AKAP6: variants seen among roughly 807,000 people sequenced by gnomAD.
The protein encoded by AKAP6 is A-kinase anchor protein 6.
Under a neutral mutation model 188.5 loss-of-function variants are expected in AKAP6, and 58 were observed. That is an observed-to-expected ratio of 0.31 (90% confidence interval 0.25 to 0.38). AKAP6 has a LOEUF of 0.38. Among genes scored for constraint, AKAP6 ranks in the 10% least tolerant of loss-of-function variants. The pLI, the probability that AKAP6 is intolerant of heterozygous loss-of-function variation, is 1.00. For missense variants in AKAP6, 2,710 were observed against 2,740.0 expected (o/e 0.99, Z 0.24); for synonymous variants, 989 against 998.6 (o/e 0.99, Z 0.18).
At chr14:32,337,563 T>A (rs959679428) in intron 1 of AKAP6, among the ~76,000 whole-genome samples, 15 of 152,186 alleles carry the variant, frequency 9.9e-5, no homozygotes, top group Middle Eastern at 3.2e-3. Flanking sequence ...CAGGATTTTT[T>A]TAAAAATTTT....
chr14:32,545,178 A>T, intron 3 of AKAP6, 52 bp from the exon 4 acceptor site: 1 of 1,511,026 alleles, frequency 6.6e-7, no homozygotes, highest in South Asian at 1.2e-5. Flanking sequence ...ATAGCAGCTG[A>T]TGTTGTAATT....
At chr14:32,648,783 G>A (rs572362900) in intron 7 of AKAP6, among the ~76,000 whole-genome samples, 42 of 152,192 alleles carry the variant, frequency 2.8e-4, no homozygotes, top group Non-Finnish European at 5.3e-4. Context: ...AGCATATGTG[G>A]CCTAATATTC....
intron 12 of AKAP6, among the ~76,000 whole-genome samples, chr14:32,820,059 A>G (rs1432730811): frequency 6.6e-6 from 1 of 152,152 alleles, no homozygotes; most frequent in Non-Finnish European, 1.5e-5. Flanking sequence ...AAAAATTGAC[A>G]GTGCTATCCC....
intron 7 of AKAP6, among the ~76,000 whole-genome samples, chr14:32,630,739 GGTTA>G (rs1322239199): frequency 3.3e-5 from 5 of 151,986 alleles, no homozygotes; most frequent in Admixed American, 6.6e-5. Flanking sequence ...GATACAAAGG[GGTTA>G]GTTCTTTTAA....
chr14:32,825,290 T>C (rs1297261422), intron 13 of AKAP6, among the ~76,000 whole-genome samples: 1 of 152,212 alleles, frequency 6.6e-6, no homozygotes, highest in Non-Finnish European at 1.5e-5. Flanking sequence ...TTTATGCTTC[T>C]GTCTAATGTA....
chr14:32,739,016 A>T (rs2139854769), intron 11 of AKAP6, among the ~76,000 whole-genome samples: 1 of 152,256 alleles, frequency 6.6e-6, no homozygotes, highest in African/African-American at 2.4e-5. Context: ...GCATGGGAAT[A>T]GATACAGTCT....
In AKAP6 at chr14:32,521,667, A is replaced by C. The variant is rs1318308560; in HGVS notation, c.325-13887A>C. ...ACCTCTTCAAGGAGAACTACAAACC[A>C]CTGCTCAATGAAATAAAAGAAGACA... On this transcript the variant is annotated intron_variant, in intron 2 of 13. Coordinates refer to ENST00000280979, the MANE Select transcript of AKAP6 (RefSeq NM_004274.5). Among the ~76,000 whole-genome samples, 3 of 152,200 alleles carry C rather than the reference A, an allele frequency of 2.0e-5. No homozygotes were observed. In the East Asian group the frequency reaches 5.8e-4, roughly 29 times the overall value.
intron 7 of AKAP6, among the ~76,000 whole-genome samples, chr14:32,655,669 G>A (rs532221476): frequency 5.3e-5 from 8 of 152,218 alleles, no homozygotes; most frequent in South Asian, 2.1e-4. Flanking sequence ...TAGAGAAAGC[G>A]TTTCATGCAG....
At chr14:32,701,411 A>G (rs1192100678) in intron 9 of AKAP6, among the ~76,000 whole-genome samples, 1 of 152,152 alleles carries the variant, frequency 6.6e-6, no homozygotes, top group African/African-American at 2.4e-5. Context: ...TTCTATAAGA[A>G]AAAGAGATAA....
intron 6 of AKAP6, among the ~76,000 whole-genome samples, chr14:32,600,028 A>G (rs1001473704): frequency 1.3e-5 from 2 of 152,228 alleles, no homozygotes; most frequent in Non-Finnish European, 2.9e-5. Context: ...TATATTTATA[A>G]GGAACAGATT....
At chr14:32,366,200 G>T (rs1378441017) in intron 1 of AKAP6, among the ~76,000 whole-genome samples, 1 of 152,136 alleles carries the variant, frequency 6.6e-6, no homozygotes. Context: ...CAGGCACCAT[G>T]CCATAATTCC....
At position 32,500,967 on chromosome 14, in the gene AKAP6, C is replaced by A. The variant is rs772443250; in HGVS notation, c.325-34587C>A. 1.1e-3 allele frequency among the ~76,000 whole-genome samples: 166 copies of A among 152,226 alleles called. 1 individual carries two copies. The highest frequency in any genetic ancestry group is 2.4e-3 in the Admixed American group (36 of 15,274). On this transcript the variant is annotated intron_variant, in intron 2 of 13. Coordinates refer to ENST00000280979, the MANE Select transcript of AKAP6 (RefSeq NM_004274.5). ...GGTCAAGCCCTGAAGTTTCCCATTGCAAGTGCATTCTAGCCTGTGGCACAC... is the reference window on the plus strand; with the variant it reads ...GGTCAAGCCCTGAAGTTTCCCATTGAAAGTGCATTCTAGCCTGTGGCACAC...
chr14:32,781,851 T>A (rs1200881403), intron 12 of AKAP6, among the ~76,000 whole-genome samples: 1 of 151,970 alleles, frequency 6.6e-6, no homozygotes, highest in Non-Finnish European at 1.5e-5. Context: ...TCCTTCCTGA[T>A]AAAAACTCTC....
rs370396802 is a variant in AKAP6, at chr14:32,608,579, A to G, written c.2730+7787A>G. ...TGCTGGTGGCCTTGAGAATAGAAAC[A>G]TTTGGCTCAGCAAGAATCTGGGAGT... On this transcript the variant is annotated intron_variant, in intron 7 of 13. Transcript: ENST00000280979. Among the ~76,000 whole-genome samples, 8 of 152,150 alleles carry G rather than the reference A, an allele frequency of 5.3e-5. No homozygotes were observed. The East Asian group carries it at 1.4e-3, about 26-fold the overall frequency.
intron 1 of AKAP6, among the ~76,000 whole-genome samples, chr14:32,404,004 T>C (rs1889186799): frequency 6.6e-6 from 1 of 152,312 alleles, no homozygotes; most frequent in East Asian, 1.9e-4. Context: ...GAAATCAAGT[T>C]CTCACGCTCT....
At chr14:32,640,282 A>T (rs769775896) in intron 7 of AKAP6, among the ~76,000 whole-genome samples, 2 of 152,034 alleles carry the variant, frequency 1.3e-5, no homozygotes, top group Non-Finnish European at 2.9e-5. Flanking sequence ...GCTTCTCAGA[A>T]CCACCTTTCC....
chr14:32,600,277 T>C (rs1885871063), intron 6 of AKAP6, among the ~76,000 whole-genome samples: 1 of 152,222 alleles, frequency 6.6e-6, no homozygotes. Context: ...TTATAAAGTC[T>C]CTACACAGAT....
chr14:32,366,954 T>C (rs1887855700), intron 1 of AKAP6, among the ~76,000 whole-genome samples: 1 of 152,134 alleles, frequency 6.6e-6, no homozygotes, highest in South Asian at 2.1e-4. Context: ...AATCAGCCGA[T>C]ATCCCTCTTC....
chr14:32,453,575 CTTTTTTTTTTTTT>C (rs71115071), intron 2 of AKAP6, among the ~76,000 whole-genome samples: 12 of 95,354 alleles, frequency 1.3e-4, no homozygotes, highest in South Asian at 4.4e-4. Context: ...TTTTTCTTTT[CTTTTTTTTTTTTT>C]TTTTTTTTTT....
Sources: gnomAD v4.1 joint callset for allele counts (sites outside exome capture counted in the v4.1 genomes callset) on GRCh38, gnomAD v4.1.1 for gene constraint, MANE v1.5 for transcripts, NCBI Gene and HGNC (gene_info 2026-07-23, HGNC 2026-07-21) for gene names.